ZFHX3: variants seen among roughly 807,000 people sequenced by gnomAD.
ZFHX3 encodes zinc finger homeobox protein 3.
ZFHX3 carries 42 observed loss-of-function variants against 279.1 expected under a neutral mutation model. That is an observed-to-expected ratio of 0.15 (90% confidence interval 0.12 to 0.19). The LOEUF (loss-of-function observed/expected upper bound fraction) is 0.19, where lower values mean the gene tolerates loss of function less well. Ranked by LOEUF, ZFHX3 falls within the 10% of genes least tolerant of loss-of-function variation. The probability of loss-of-function intolerance (pLI) is 1.00; values close to 1 mark genes in which losing one functional copy is unlikely to be tolerated. For missense variants in ZFHX3, 4,981 were observed against 4,754.0 expected, an observed-to-expected ratio of 1.05 and a Z score of -1.40; for synonymous variants, 2,293 against 1,957.8, an observed-to-expected ratio of 1.17 and a Z score of -4.52.
chr16:73,254,036 C>T (rs1369278096), intron 5 of ZFHX3, among the ~76,000 whole-genome samples: 1 of 152,144 alleles, frequency 6.6e-6, no homozygotes, highest in Non-Finnish European at 1.5e-5. Context: ...ACATTTGGAT[C>T]CATCCAGCAT....
chr16:73,587,919 G>A (rs112233344), intron 2 of ZFHX3, among the ~76,000 whole-genome samples: 89 of 152,210 alleles, frequency 5.8e-4, no homozygotes, highest in African/African-American at 2.1e-3. Context: ...AATAAACATA[G>A]TACAGCATAC....
rs1344909710 is a variant in ZFHX3, at chr16:73,784,808, T to TACACAC, written c.-1607-104569_-1607-104568insGTGTGT. Among the ~76,000 whole-genome samples the TACACAC allele has an allele frequency of 5.3e-3, 713 of 135,686 alleles. 7 individuals are homozygous for TACACAC. Among genetic ancestry groups the TACACAC allele is most frequent in the African/African-American group, 0.019 (687 of 35,238 alleles). The allele number at this position is 135,686 out of a possible 152,430, so 89.0% of individuals were successfully genotyped here. A position where few individuals can be genotyped will look rare whatever the true frequency, so the allele number is the denominator to read the frequency against. Reference sequence around the variant, plus strand: ...AAATAAAAAAAAAAATATATATATATATATATATACACACACACACACACA... The same window carrying TACACAC: ...AAATAAAAAAAAAAATATATATATATACACACATATATATACACACACACACACACA... On this transcript the variant is annotated intron_variant, in intron 1 of 17. Transcript: ENST00000641206.
intron 4 of ZFHX3, among the ~76,000 whole-genome samples, chr16:72,880,776 T>A (rs376251825): frequency 3.9e-5 from 6 of 152,210 alleles, no homozygotes; most frequent in African/African-American, 1.4e-4. Flanking sequence ...TATTAACATA[T>A]ACACAAAAGG....
At chr16:73,520,215 G>T (rs751204008) in intron 2 of ZFHX3, among the ~76,000 whole-genome samples, 1 of 152,196 alleles carries the variant, frequency 6.6e-6, no homozygotes, top group South Asian at 2.1e-4. Flanking sequence ...GAATATACTT[G>T]GGTGTTTCTA....
At chr16:72,837,472 T>A (rs979425602) in intron 4 of ZFHX3, among the ~76,000 whole-genome samples, 2 of 147,940 alleles carry the variant, frequency 1.4e-5, no homozygotes, top group Admixed American at 1.4e-4. Flanking sequence ...GCTCCAATGA[T>A]GATTTTTTTT....
At chr16:73,527,502 C>T (rs999528927) in intron 2 of ZFHX3, among the ~76,000 whole-genome samples, 6 of 152,146 alleles carry the variant, frequency 3.9e-5, no homozygotes, top group East Asian at 1.9e-4. Context: ...CCAGTGAGTC[C>T]GGTCTCCTGG....
intron 2 of ZFHX3, among the ~76,000 whole-genome samples, chr16:73,509,597 T>A (rs2019389142): frequency 6.8e-6 from 1 of 146,228 alleles, no homozygotes; most frequent in Non-Finnish European, 1.5e-5. Flanking sequence ...CAATCTTGGC[T>A]CACTGCAACC....
At chr16:73,719,321 G>A (rs1439643818) in intron 1 of ZFHX3, among the ~76,000 whole-genome samples, 3 of 152,146 alleles carry the variant, frequency 2.0e-5, no homozygotes, top group Non-Finnish European at 4.4e-5. Context: ...CTCTTCTCAC[G>A]CTGGCCCAGT....
At chr16:73,051,591 A>AT (rs1965451396), upstream of ZFHX3, among the ~76,000 whole-genome samples, 1 of 152,230 alleles carries the variant, frequency 6.6e-6, no homozygotes, top group Non-Finnish European at 1.5e-5. Flanking sequence ...GTGGAACATT[A>AT]TCTAATTTCC....
intron 1 of ZFHX3, among the ~76,000 whole-genome samples, chr16:72,990,489 C>A (rs1460226844): frequency 1.3e-5 from 2 of 152,288 alleles, no homozygotes; most frequent in South Asian, 2.1e-4. Context: ...CCAGGCCTGT[C>A]CCAGCCACGG....
At chr16:73,351,295 C>T (rs1325751852) in intron 3 of ZFHX3, among the ~76,000 whole-genome samples, 1 of 152,188 alleles carries the variant, frequency 6.6e-6, no homozygotes, top group Non-Finnish European at 1.5e-5. Flanking sequence ...CGCACTGGGC[C>T]TGCTGCCTAA....
At chr16:73,870,827 G>A (rs1010977036) in intron 1 of ZFHX3, among the ~76,000 whole-genome samples, 1 of 152,166 alleles carries the variant, frequency 6.6e-6, no homozygotes, top group Non-Finnish European at 1.5e-5. Context: ...TCAGGCGTGG[G>A]TGGAGGAAAG....
chr16:73,254,824 G>C (rs1256770378), intron 5 of ZFHX3, among the ~76,000 whole-genome samples: 1 of 152,042 alleles, frequency 6.6e-6, no homozygotes, highest in Non-Finnish European at 1.5e-5. Flanking sequence ...CATAAATAAA[G>C]CTGCAGGTGG....
chr16:73,702,626 G>T (rs764706659), intron 1 of ZFHX3, among the ~76,000 whole-genome samples: 1 of 152,200 alleles, frequency 6.6e-6, no homozygotes, highest in Non-Finnish European at 1.5e-5. Context: ...TGAAAAGTCT[G>T]TGGGATTGGT....
intron 2 of ZFHX3, among the ~76,000 whole-genome samples, chr16:73,526,785 T>C (rs1017851116): frequency 1.3e-5 from 2 of 152,068 alleles, no homozygotes; most frequent in African/African-American, 2.4e-5. Flanking sequence ...TGTCATTATC[T>C]TGCTTAAGGA....
chr16:72,934,226 A>G (rs1304471773), intron 3 of ZFHX3, among the ~76,000 whole-genome samples: 1 of 152,042 alleles, frequency 6.6e-6, no homozygotes, highest in Non-Finnish European at 1.5e-5. Context: ...GGAGTTCGAG[A>G]CCAGCCTGGC....
At chr16:73,689,825 TGTTGTTGTTG>T (rs1567552783) in intron 1 of ZFHX3, among the ~76,000 whole-genome samples, 8 of 146,818 alleles carry the variant, frequency 5.4e-5, no homozygotes, top group South Asian at 2.1e-4. Context: ...TTGTTTTTTT[TGTTGTTGTTG>T]TTTTTTTGAG....
chr16:73,646,208 T>A (rs1325766690), intron 2 of ZFHX3, among the ~76,000 whole-genome samples: 1 of 152,168 alleles, frequency 6.6e-6, no homozygotes, highest in African/African-American at 2.4e-5. Flanking sequence ...CATGAGGTGA[T>A]AGATTAAAGA....
chr16:72,795,120 G>T lies in ZFHX3; in HGVS notation c.7562C>A (p.Ala2521Glu). The T allele has an allele frequency of 1.2e-6, 2 of 1,614,046 alleles. No homozygotes were observed. Among genetic ancestry groups the T allele is most frequent in the Non-Finnish European group, 1.7e-6 (2 of 1,180,018 alleles). Residue 2521 changes from alanine to glutamate, a missense_variant, in exon 9 of 10, where the codon GCA (alanine) becomes GAA (glutamate). By Grantham distance (107) the Ala-to-Glu change is moderately radical. Around this residue, in one of 7 missense-constraint regions of ZFHX3, gnomAD observed 744 missense variants for 701.3 expected, o/e 1.06. Transcript: ENST00000268489. The part of the protein sequence containing the change: ...PLHTSTPQQL[A>E]NLPPQLIPYQ... ...GGGGATTAGCTGAGGAGGTAGGTTT[G>T]CGAGCTGTTGAGGAGTTGATGTGTG...
Sources: gnomAD v4.1 joint callset for allele counts (sites outside exome capture counted in the v4.1 genomes callset) on GRCh38, gnomAD v4.1.1 for gene constraint, gnomAD v4.1.1 regional missense constraint, MANE v1.5 for transcripts, NCBI Gene and HGNC (gene_info 2026-07-23, HGNC 2026-07-21) for gene names.